DSCAM: variants seen among roughly 807,000 people sequenced by gnomAD.
DSCAM encodes DS cell adhesion molecule, also known as cell adhesion molecule DSCAM.
A neutral mutation model predicts 217.7 loss-of-function variants in DSCAM; 47 were observed. The ratio of observed to expected loss-of-function variants is 0.22; its 90% CI spans 0.17 to 0.28. The LOEUF is 0.28. DSCAM is among the 10% of genes least tolerant of loss of function. DSCAM has a pLI of 1.00. For synonymous variants in DSCAM, 1,056 were observed against 1,015.3 expected, an observed-to-expected ratio of 1.04 and a Z score of -0.76; for missense variants, 2,080 against 2,618.3, an observed-to-expected ratio of 0.79 and a Z score of 4.49.
At chr21:40,208,446 G>T (rs2091148743) in intron 11 of DSCAM, among the ~76,000 whole-genome samples, 2 of 152,146 alleles carry the variant, frequency 1.3e-5, no homozygotes, top group South Asian at 4.1e-4. Context: ...ACATTTCTGG[G>T]CTAAACCGGG....
intron 12 of DSCAM, 94 bp downstream of exon 12, chr21:40,188,948 T>G: frequency 1.6e-6 from 2 of 1,253,712 alleles, no homozygotes; most frequent in Non-Finnish European, 1.1e-6. Context: ...TCCGAAAGAT[T>G]ATCTGCTACT....
At chr21:40,408,296 T>C (rs1440419502) in intron 3 of DSCAM, among the ~76,000 whole-genome samples, 4 of 151,732 alleles carry the variant, frequency 2.6e-5, no homozygotes, top group Non-Finnish European at 5.9e-5. Flanking sequence ...TGTGATAGGG[T>C]GGGGGGACAG....
At position 40,514,035 on chromosome 21, in the gene DSCAM, C is replaced by A. The variant is rs145319617; in HGVS notation, c.509-144790G>T. On this transcript the variant is annotated intron_variant, in intron 3 of 32. Coordinates refer to ENST00000400454, the MANE Select transcript of DSCAM (RefSeq NM_001389.5). ...GATTGCATACAGAATTCATAAGGAA[C>A]CTCCAAGGCCATTTGTGTGATCAGG... 4.9e-3 allele frequency among the ~76,000 whole-genome samples: 743 copies of A among 152,262 alleles called. 4 individuals are homozygous for A. The highest frequency in any genetic ancestry group is 0.016 in the African/African-American group (678 of 41,544).
intron 5 of DSCAM, among the ~76,000 whole-genome samples, chr21:40,349,950 G>A (rs1310926738): frequency 6.6e-6 from 1 of 152,172 alleles, no homozygotes; most frequent in Non-Finnish European, 1.5e-5. Flanking sequence ...ATGGAGGCCA[G>A]AAGACATATA....
chr21:40,714,156 G>A (rs1481968986), intron 1 of DSCAM, among the ~76,000 whole-genome samples: 5 of 152,304 alleles, frequency 3.3e-5, no homozygotes, highest in South Asian at 2.1e-4. Flanking sequence ...TGTTTTAGAG[G>A]TGGAGCCGGC....
chr21:40,177,520 T>G (rs2090746679), intron 15 of DSCAM, among the ~76,000 whole-genome samples: 1 of 152,154 alleles, frequency 6.6e-6, no homozygotes, highest in Non-Finnish European at 1.5e-5. Flanking sequence ...TTTAACCTAT[T>G]CTCTTGAAGA....
intron 19 of DSCAM, among the ~76,000 whole-genome samples, chr21:40,124,638 A>G (rs1252814619): frequency 2.6e-5 from 4 of 152,174 alleles, no homozygotes; most frequent in Non-Finnish European, 5.9e-5. Flanking sequence ...ACAGACATGT[A>G]TAGAGGGAAG....
rs962525292 is a variant in DSCAM at position 40,671,365 on chromosome 21, A to G, written c.508+21445T>C. ...AACAGACTAGCCTGAACAAATAAAA[A>G]AGTCTCCATACACTAACATGAACAA... On this transcript the variant is annotated intron_variant, in intron 3 of 32. Transcript: ENST00000400454. 9.8e-5 allele frequency among the ~76,000 whole-genome samples: 15 copies of G among 152,296 alleles called. No individual in the cohort carries two copies. In the East Asian group the frequency reaches 2.9e-3, roughly 29 times the overall value.
intron 15 of DSCAM, among the ~76,000 whole-genome samples, chr21:40,176,048 C>A (rs1000284035): frequency 6.6e-6 from 1 of 151,804 alleles, no homozygotes; most frequent in African/African-American, 2.4e-5. Context: ...TGATGATACA[C>A]CTCAAAGGCT....
At chr21:40,648,339 A>G (rs1035417922) in intron 3 of DSCAM, among the ~76,000 whole-genome samples, 2 of 151,730 alleles carry the variant, frequency 1.3e-5, no homozygotes, top group African/African-American at 4.8e-5. Context: ...AACTGTCCTG[A>G]CACTTCTGAT....
intron 11 of DSCAM, among the ~76,000 whole-genome samples, chr21:40,230,878 C>T (rs962463255): frequency 7.2e-5 from 11 of 152,004 alleles, no homozygotes; most frequent in African/African-American, 1.4e-4. Flanking sequence ...GTTTCAGGGC[C>T]GTGTCCTTCC....
chr21:40,264,651 C>T (rs768478835), intron 11 of DSCAM, among the ~76,000 whole-genome samples: 3 of 152,118 alleles, frequency 2.0e-5, no homozygotes, highest in South Asian at 2.1e-4. Flanking sequence ...AGCAAGACAA[C>T]GATGCCCACT....
chr21:40,287,788 C>T (rs778740432), intron 10 of DSCAM, among the ~76,000 whole-genome samples: 92 of 152,122 alleles, frequency 6.0e-4, no homozygotes, highest in African/African-American at 2.2e-3. Context: ...GGGGACTGTG[C>T]GTGGTGAGTG....
chr21:40,498,698 GATATATATATA>G (rs2076143371), intron 3 of DSCAM, among the ~76,000 whole-genome samples: 13 of 9,258 alleles, frequency 1.4e-3, no homozygotes, highest in Non-Finnish European at 1.8e-3. Flanking sequence ...TATATATATA[GATATATATATA>G]TGGGTGTATA....
At chr21:40,279,204 T>C (rs2073727448) in intron 10 of DSCAM, among the ~76,000 whole-genome samples, 2 of 152,236 alleles carry the variant, frequency 1.3e-5, no homozygotes, top group South Asian at 4.1e-4. Context: ...GAGTATTTTA[T>C]AAAGTGAGAC....
chr21:40,369,011 G>T, intron 4 of DSCAM, 88 bp downstream of exon 4: 1 of 1,378,446 alleles, frequency 7.3e-7, no homozygotes, highest in East Asian at 2.6e-5. Context: ...CATTTTAGTG[G>T]CAACACTCCA....
chr21:40,479,106 A>G (rs1384760331), intron 3 of DSCAM, among the ~76,000 whole-genome samples: 1 of 152,204 alleles, frequency 6.6e-6, no homozygotes, highest in African/African-American at 2.4e-5. Flanking sequence ...TGCTGTGCTA[A>G]GTGCTTCATT....
At chr21:40,686,086 A>C (rs879891712) in intron 3 of DSCAM, among the ~76,000 whole-genome samples, 10 of 152,050 alleles carry the variant, frequency 6.6e-5, no homozygotes, top group African/African-American at 2.4e-4. Context: ...GAGTGGCCCA[A>C]CAAATGAGGT....
At position 40,042,392 on chromosome 21, in the gene DSCAM, C is replaced by G. The variant is rs760120390; in HGVS notation, c.5665G>C (p.Val1889Leu). 6.2e-7 allele frequency: 1 copy of G among 1,613,958 alleles called. No individual in the cohort carries two copies. The highest frequency in any genetic ancestry group is 1.3e-5 in the African/African-American group (1 of 74,942). Residue 1889 changes from valine (V) to leucine (L), a missense_variant, in exon 32 of 33, where the codon GTT (valine) becomes CTT (leucine). Val to Leu is a conservative substitution (Grantham distance 32). Around this residue, in one of 5 missense-constraint regions of DSCAM, gnomAD observed 1,144 missense variants for 1,421.1 expected, o/e 0.81. Coordinates refer to ENST00000400454, the MANE Select transcript of DSCAM (RefSeq NM_001389.5). ...QDGGRVMNMA[V>L]PKAHRPGDLI... ...CTACCTGGCCGATGTGCCTTTGGAA[C>G]TGCCATATTCATTACTCTTCCTCCA... is the stretch of plus-strand genomic sequence containing the variant.
Sources: gnomAD v4.1 joint callset for allele counts (sites outside exome capture counted in the v4.1 genomes callset) on GRCh38, gnomAD v4.1.1 for gene constraint, gnomAD v4.1.1 regional missense constraint, MANE v1.5 for transcripts, NCBI Gene and HGNC (gene_info 2026-07-23, HGNC 2026-07-21) for gene names.